ENO2: variants seen among roughly 807,000 people sequenced by gnomAD.
The protein encoded by ENO2 is gamma-enolase.
A neutral mutation model predicts 48.7 loss-of-function variants in ENO2; 19 were observed. The observed-to-expected ratio is 0.39, with a 90% CI of 0.27 to 0.57. ENO2 has a LOEUF of 0.57. Ranked by LOEUF, ENO2 falls within the 20% of genes least tolerant of loss-of-function variation. The pLI, the probability that ENO2 is intolerant of heterozygous loss-of-function variation, is 0.58. For missense variants in ENO2, 416 were observed against 555.0 expected, an observed-to-expected ratio of 0.75 and a Z score of 2.52; for synonymous variants, 198 against 213.4, an observed-to-expected ratio of 0.93 and a Z score of 0.63.
At chr12:6,921,503 A>C in intron 8 of ENO2, 78 bp from the exon 9 acceptor site, 1 of 1,448,652 alleles carries the variant, frequency 6.9e-7, no homozygotes, top group East Asian at 2.3e-5. Flanking sequence ...TCAGGGAATA[A>C]AGGGGCATGT....
In ENO2 at chr12:6,921,575, C is replaced by T; in HGVS notation, c.866-6C>T. 6.2e-7 allele frequency: 1 copy of T among 1,614,102 alleles called. No individual in the cohort carries two copies. On this transcript the variant is annotated splice_polypyrimidine_tract_variant and splice_region_variant and intron_variant, in intron 8 of 11. Transcript: ENST00000229277. ...CTCCCCCCTCCCCACCATGCTCTCT[C>T]TGCAGTGGTCTCCATTGAGGACCCA...
In ENO2 at chr12:6,922,814, C is replaced by G. The variant is rs782554668; in HGVS notation, c.*14C>G. 6.2e-7 allele frequency: 1 copy of G among 1,613,848 alleles called. No homozygotes were observed. Among genetic ancestry groups the G allele is most frequent in the South Asian group, 1.1e-5 (1 of 91,076 alleles). On this transcript the variant is annotated 3_prime_UTR_variant, in exon 12 of 12. Transcript: ENST00000229277. This position sits in a 1 kb window ranked among gnomAD's most constrained non-coding sequence, Gnocchi z 5.3. ...AGTGTGCTGTGATTCCTCTGCTTGCCTGGAGACGTGGAACCTCTGTCTCAT... is the reference window on the plus strand; with the variant it reads ...AGTGTGCTGTGATTCCTCTGCTTGCGTGGAGACGTGGAACCTCTGTCTCAT...
chr12:6,921,966 C>T, intron 9 of ENO2, 90 bp from the exon 10 acceptor site: 1 of 1,569,042 alleles, frequency 6.4e-7, no homozygotes, highest in South Asian at 1.1e-5. Context: ...TAGCTTTCCC[C>T]TAGATGTTTC....
rs1555142237 is a variant in ENO2, at chr12:6,922,678, A to G, written c.1236-53A>G. 1.4e-5 allele frequency: 22 copies of G among 1,595,704 alleles called. No homozygotes were observed. The highest frequency in any genetic ancestry group is 1.7e-5 in the Non-Finnish European group (20 of 1,163,756). ...AGTCTGGGGGACCCCTAGAGAGAGA[A>G]GCAGGATCCTCCTGCATCCCTGACC... On this transcript the variant is annotated intron_variant, in intron 11 of 11. Transcript: ENST00000229277. The surrounding 1 kb of genome is among the most constrained non-coding windows in gnomAD (Gnocchi z 5.3).
chr12:6,922,720 A>T lies in ENO2; in HGVS notation c.1236-11A>T, dbSNP rs772818533. The stretch of plus-strand genomic sequence containing the variant: ...TCCCTGACCACTTCCTTTGTGGTTC[A>T]TCTCTCTCAGAATTGAGGAAGAGCT... On this transcript the variant is annotated splice_polypyrimidine_tract_variant and intron_variant, in intron 11 of 11. Transcript: ENST00000229277. This position sits in a 1 kb window ranked among gnomAD's most constrained non-coding sequence, Gnocchi z 5.3. The T allele has an allele frequency of 4.3e-6, 7 of 1,614,008 alleles. No homozygotes were observed. The Admixed American group carries it at 1.2e-4, about 27-fold the overall frequency.
chr12:6,915,509 A>G (rs1180028888), intron 1 of ENO2: 7 of 329,084 alleles, frequency 2.1e-5, no homozygotes, highest in Admixed American at 4.0e-5. Flanking sequence ...CAAGCTGCAA[A>G]GAGGCGCGGG....
chr12:6,914,766 G>C lies in ENO2; in HGVS notation c.-13+107G>C, dbSNP rs1228672288. On this transcript the variant is annotated intron_variant, in intron 1 of 11. Coordinates refer to ENST00000229277, the MANE Select transcript of ENO2 (RefSeq NM_001975.3). The surrounding 1 kb of genome is among the most constrained non-coding windows in gnomAD (Gnocchi z 7.1). Reference sequence around the variant, plus strand: ...GCGCACCTCTCCGCATCTCTGGCCCGGTGCAGCTGCGCACCTGCTCCGCCG... The same window carrying C: ...GCGCACCTCTCCGCATCTCTGGCCCCGTGCAGCTGCGCACCTGCTCCGCCG... 1 of 152,538 alleles carries C rather than the reference G, an allele frequency of 6.6e-6. No homozygotes were observed. The highest frequency in any genetic ancestry group is 6.6e-5 in the Admixed American group (1 of 15,218). 9.4% of individuals were successfully genotyped at this position (152,538 alleles called of 1,614,324 possible). A position where few individuals can be genotyped will look rare whatever the true frequency, so the allele number is the denominator to read the frequency against.
At chr12:6,917,280 C>T in intron 5 of ENO2, 173 bp downstream of exon 5, 1 of 822,354 alleles carries the variant, frequency 1.2e-6, no homozygotes. Context: ...GAAGGACCGA[C>T]AGTAGGCAGA....
chr12:6,916,680 A>G lies in ENO2; in HGVS notation c.191A>G (p.Lys64Arg). The change falls in exon 4 of 12, where the codon AAG (lysine) becomes AGG (arginine). Residue 64 changes from lysine (K) to arginine (R), a missense_variant. Transcript: ENST00000229277. The surrounding 1 kb of genome is among the most constrained non-coding windows in gnomAD (Gnocchi z 4.5). ...CTCTTCCTTTCCCCAGGTGTCCTGA[A>G]GGCAGTGGACCACATCAACTCCACC... Reference protein sequence around the residue: ...KQRYLGKGVLKAVDHINSTIA... With the variant: ...KQRYLGKGVLRAVDHINSTIA... 6.2e-7 allele frequency: 1 copy of G among 1,614,124 alleles called. No individual in the cohort carries two copies. The highest frequency in any genetic ancestry group is 1.6e-4 in the Middle Eastern group (1 of 6,062).
At chr12:6,917,858 G>A in intron 6 of ENO2, 82 bp from the exon 7 acceptor site, 5 of 1,485,656 alleles carry the variant, frequency 3.4e-6, no homozygotes, top group Non-Finnish European at 4.6e-6. Context: ...AAAGCTGGGG[G>A]AAGTTTGGGA....
intron 1 of ENO2, 60 bp from the exon 2 acceptor site, chr12:6,915,761 C>A: frequency 1.1e-5 from 12 of 1,061,144 alleles, no homozygotes; most frequent in Non-Finnish European, 1.6e-5. Context: ...GCCCATTGAT[C>A]TCAGGCTCCA....
At position 6,922,857 on chromosome 12, in the gene ENO2, G is replaced by T. The variant is rs1378812036; in HGVS notation, c.*57G>T. 6.3e-7 allele frequency: 1 copy of T among 1,593,294 alleles called. No individual in the cohort carries two copies. The highest frequency in any genetic ancestry group is 1.3e-5 in the African/African-American group (1 of 74,472). On this transcript the variant is annotated 3_prime_UTR_variant, in exon 12 of 12. Coordinates refer to ENST00000229277, the MANE Select transcript of ENO2 (RefSeq NM_001975.3). This position sits in a 1 kb window ranked among gnomAD's most constrained non-coding sequence, Gnocchi z 5.3. ...TGTCTCATCCTCCTGGAACCTTGCT[G>T]TCCTGATCTGTGATAGTTCACCCCC...
At position 6,916,447 on chromosome 12, in the gene ENO2, C is replaced by G. The variant is rs782075941; in HGVS notation, c.116C>G (p.Ala39Gly). 6 of 1,614,020 alleles carry G rather than the reference C, an allele frequency of 3.7e-6. No individual in the cohort carries two copies. Among genetic ancestry groups the G allele is most frequent in the Admixed American group, 1.7e-5 (1 of 59,990 alleles). The change falls in exon 3 of 12, where the codon GCC (alanine) becomes GGC (glycine). Residue 39 changes from alanine (A) to glycine (G), a missense_variant. Transcript: ENST00000229277. The surrounding 1 kb of genome is among the most constrained non-coding windows in gnomAD (Gnocchi z 4.5). ...GLFRAAVPSG[A>G]STGIYEALEL... is the part of the protein sequence containing the mutation. ...TTCCGGGCTGCAGTGCCCAGTGGAG[C>G]CTCTACGGGCATCTATGAGGCCCTG...
At chr12:6,918,444 G>A (rs1401610739) in intron 7 of ENO2, among the ~76,000 whole-genome samples, 3 of 149,914 alleles carry the variant, frequency 2.0e-5, no homozygotes, top group African/African-American at 5.0e-5. Flanking sequence ...TCCGCCTCCC[G>A]GGTTCACGCC....
Position 6,916,646 on chromosome 12 carries a change from C to T in ENO2, c.182-25C>T, listed in dbSNP as rs1591651370. ...CCTTCCGGCCCCTCCTGGCCCGACC[C>T]AGTCCAGCCTCTTCCTTTCCCCAGG... is the stretch of plus-strand genomic sequence containing the variant. On this transcript the variant is annotated intron_variant, in intron 3 of 11. Transcript: ENST00000229277. This position sits in a 1 kb window ranked among gnomAD's most constrained non-coding sequence, Gnocchi z 4.5. The T allele has an allele frequency of 6.2e-7, 1 of 1,614,066 alleles. No homozygotes were observed. The highest frequency in any genetic ancestry group is 1.7e-5 in the Admixed American group (1 of 60,026).
At chr12:6,920,186 G>A (rs1945327675) in intron 8 of ENO2, among the ~76,000 whole-genome samples, 1 of 152,090 alleles carries the variant, frequency 6.6e-6, no homozygotes, top group Non-Finnish European at 1.5e-5. Context: ...GCTTCTGCAA[G>A]TCTGCCCAGG....
chr12:6,914,615 G>A lies in ENO2; in HGVS notation c.-57G>A. ...CTCTCTCAGCGCCGCCGTCGCCACCGCCACCGCCACCGCCACTACCACCGT... is the reference window on the plus strand; with the variant it reads ...CTCTCTCAGCGCCGCCGTCGCCACCACCACCGCCACCGCCACTACCACCGT... On this transcript the variant is annotated 5_prime_UTR_variant, in exon 1 of 12. Coordinates refer to ENST00000229277, the MANE Select transcript of ENO2 (RefSeq NM_001975.3). This position sits in a 1 kb window ranked among gnomAD's most constrained non-coding sequence, Gnocchi z 7.1. 1 of 169,016 alleles carries A rather than the reference G, an allele frequency of 5.9e-6. No homozygotes were observed. The highest frequency in any genetic ancestry group is 1.3e-5 in the Non-Finnish European group (1 of 79,746). The allele number at this position is 169,016 out of a possible 1,614,324, so 10.5% of individuals were successfully genotyped here.
chr12:6,916,427 G>A lies in ENO2; in HGVS notation c.96G>A (p.Arg32=), dbSNP rs782065114. ...ATGTTCCTCCTTTAGGTCTTTTCCGGGCTGCAGTGCCCAGTGGAGCCTCTA... is the reference window on the plus strand; with the variant it reads ...ATGTTCCTCCTTTAGGTCTTTTCCGAGCTGCAGTGCCCAGTGGAGCCTCTA... ...VDLYTAKGLF[R]AAVPSGASTG... is the part of the protein sequence containing the mutation. Residue 32 remains arginine, a synonymous_variant, in exon 3 of 12, where the codon CGG becomes CGA. Transcript: ENST00000229277. This position sits in a 1 kb window ranked among gnomAD's most constrained non-coding sequence, Gnocchi z 4.5. 2 of 1,613,624 alleles carry A rather than the reference G, an allele frequency of 1.2e-6. No homozygotes were observed. The highest frequency in any genetic ancestry group is 1.1e-5 in the South Asian group (1 of 90,900).
At position 6,921,859 on chromosome 12, in the gene ENO2, T is replaced by C; in HGVS notation, c.1067+77T>C. The C allele has an allele frequency of 2.5e-6, 4 of 1,572,218 alleles. No homozygotes were observed. In the South Asian group the frequency reaches 3.4e-5, roughly 13 times the overall value. ...TTTTGCAAGTGCTCCAGCCTAATTC[T>C]ACCCAGGGGTGCCAAAGAGAGCGGG... On this transcript the variant is annotated intron_variant, in intron 9 of 11. Transcript: ENST00000229277.
Sources: allele counts gnomAD v4.1 joint callset (sites outside exome capture counted in the v4.1 genomes callset), GRCh38; gene constraint gnomAD v4.1.1; non-coding constraint Gnocchi (gnomAD v3.1); transcripts MANE v1.5; gene names NCBI Gene and HGNC (gene_info 2026-07-23, HGNC 2026-07-21).